MOV10L1: variants seen among roughly 807,000 people sequenced by gnomAD.
MOV10L1 encodes RNA helicase Mov10l1.
Under a neutral mutation model 143.8 loss-of-function variants are expected in MOV10L1, and 110 were observed. The observed-to-expected ratio is 0.76, with a 90% confidence interval of 0.66 to 0.90. The LOEUF (loss-of-function observed/expected upper bound fraction) is 0.90. Ranked by LOEUF, MOV10L1 falls within the 40% of genes least tolerant of loss-of-function variation. The probability of loss-of-function intolerance (pLI) is 0.00; values close to 1 mark genes in which losing one functional copy is unlikely to be tolerated. For missense variants in MOV10L1, 1,406 were observed against 1,526.8 expected, an observed-to-expected ratio of 0.92 and a Z score of 1.32; for synonymous variants, 593 against 581.1, an observed-to-expected ratio of 1.02 and a Z score of -0.29.
At chr22:50,157,966 T>C in intron 22 of MOV10L1, 91 bp from the exon 23 acceptor site, 1 of 1,428,806 alleles carries the variant, frequency 7.0e-7, no homozygotes, top group Non-Finnish European at 9.6e-7. Context: ...ATATTCAGTG[T>C]GTATTCCCAG....
At chr22:50,149,423 G>T (rs770969967) in intron 19 of MOV10L1, 192 bp from the exon 20 acceptor site, 12 of 592,858 alleles carry the variant, frequency 2.0e-5, no homozygotes, top group Non-Finnish European at 3.3e-5. Flanking sequence ...TGCTGATGTG[G>T]CTTAGCATCT....
At chr22:50,124,135 T>C (rs773722960) in intron 10 of MOV10L1, among the ~76,000 whole-genome samples, 49 of 152,168 alleles carry the variant, frequency 3.2e-4, no homozygotes, top group Non-Finnish European at 6.3e-4. Context: ...TTTGTTCATC[T>C]CTCCTCTAAT....
chr22:50,122,117 C>T (rs1366278658), intron 10 of MOV10L1, among the ~76,000 whole-genome samples: 1 of 152,094 alleles, frequency 6.6e-6, no homozygotes, highest in Non-Finnish European at 1.5e-5. Context: ...ATGGGAATTG[C>T]ATTGAATCTG....
At chr22:50,104,392 G>T (rs1168353421) in intron 3 of MOV10L1, among the ~76,000 whole-genome samples, 4 of 152,210 alleles carry the variant, frequency 2.6e-5, no homozygotes, top group Non-Finnish European at 5.9e-5. Flanking sequence ...TGGCACAGGG[G>T]TCAGGGGAGT....
chr22:50,157,325 A>G (rs752001584), intron 22 of MOV10L1, among the ~76,000 whole-genome samples: 36 of 152,248 alleles, frequency 2.4e-4, no homozygotes, highest in Admixed American at 3.9e-4. Flanking sequence ...TGATGCCCAG[A>G]CATTTTCCAT....
At position 50,108,734 on chromosome 22, in the gene MOV10L1, G is replaced by C. The variant is rs2061941629; in HGVS notation, c.633G>C (p.Leu211=). ...SIFFTLDSLK[L]PDGYTPRRGD... ...TCTTTACCTTGGACTCCTTGAAACT[G>C]CCAGATGGGTACACACCCCGGAGAG... The change falls in exon 5 of 27, where the codon CTG becomes CTC. Residue 211 remains leucine (L), a synonymous_variant. Transcript: ENST00000262794. 4 of 1,614,206 alleles carry C rather than the reference G, an allele frequency of 2.5e-6. No individual in the cohort carries two copies. In the East Asian group the frequency reaches 8.9e-5, roughly 36 times the overall value.
At chr22:50,126,522 T>A (rs1474225941) in intron 12 of MOV10L1, among the ~76,000 whole-genome samples, 1 of 152,226 alleles carries the variant, frequency 6.6e-6, no homozygotes, top group East Asian at 1.9e-4. Context: ...CGTTGAGTTG[T>A]ATTTGGGCAT....
rs776398423 is a variant in MOV10L1 at position 50,126,231 on chromosome 22, T to A, written c.1777T>A (p.Tyr593Asn). 3.1e-6 allele frequency: 5 copies of A among 1,612,090 alleles called. No individual in the cohort carries two copies. The highest frequency in any genetic ancestry group is 4.2e-6 in the Non-Finnish European group (5 of 1,178,360). ...TAAACTGATTTTAAAAACTCAAGAG[T>A]ACAATGGACATGCCATCGAATACAT... ...GDKLILKTQE[Y>N]NGHAIEYISY... Residue 593 changes from tyrosine (Y) to asparagine (N), a missense_variant, in exon 12 of 27, where the codon TAC (tyrosine) becomes AAC (asparagine). Coordinates refer to ENST00000262794, the MANE Select transcript of MOV10L1 (RefSeq NM_018995.3).
chr22:50,112,457 C>T (rs754672064), intron 5 of MOV10L1, among the ~76,000 whole-genome samples: 4 of 152,202 alleles, frequency 2.6e-5, no homozygotes, highest in African/African-American at 7.2e-5. Flanking sequence ...GGGCCTGAAG[C>T]GTGGCCTGGG....
intron 4 of MOV10L1, 139 bp downstream of exon 4, chr22:50,108,387 T>A: frequency 1.2e-6 from 1 of 858,422 alleles, no homozygotes; most frequent in East Asian, 2.6e-5. Flanking sequence ...AGGAGTGTGT[T>A]TTCCTATTGA....
intron 19 of MOV10L1, among the ~76,000 whole-genome samples, chr22:50,147,957 C>T (rs1285108979): frequency 6.6e-6 from 1 of 152,226 alleles, no homozygotes; most frequent in Non-Finnish European, 1.5e-5. Context: ...GGATGCAGGA[C>T]ATGTTGGGCC....
At position 50,108,856 on chromosome 22, in the gene MOV10L1, C is replaced by T. The variant is rs754858195; in HGVS notation, c.743+12C>T. ...CTAGTGAAGAGGCGGTAAGAAAATG[C>T]TTTTCTGGCCAGGTGCGGTGGCTAA... is the stretch of plus-strand genomic sequence containing the variant. On this transcript the variant is annotated intron_variant, in intron 5 of 26. Transcript: ENST00000262794. 3 of 1,613,142 alleles carry T rather than the reference C, an allele frequency of 1.9e-6. No individual in the cohort carries two copies. Among genetic ancestry groups the T allele is most frequent in the Admixed American group, 1.7e-5 (1 of 59,990 alleles).
chr22:50,143,248 G>A (rs767444678), intron 17 of MOV10L1, 27 bp downstream of exon 17: 2 of 1,609,826 alleles, frequency 1.2e-6, no homozygotes, highest in South Asian at 1.1e-5. Flanking sequence ...CGCGGGTGCT[G>A]TGGCTCTGTG....
intron 11 of MOV10L1, 100 bp downstream of exon 11, chr22:50,125,669 C>T (rs1053787050): frequency 2.5e-6 from 3 of 1,222,746 alleles, no homozygotes; most frequent in African/African-American, 3.0e-5. Context: ...CACATTATCG[C>T]ATTTTCTTTC....
intron 15 of MOV10L1, among the ~76,000 whole-genome samples, chr22:50,135,986 A>G (rs2062813952): frequency 6.6e-6 from 1 of 152,226 alleles, no homozygotes; most frequent in Non-Finnish European, 1.5e-5. Flanking sequence ...AATGTATAAC[A>G]TGAATTTTTA....
Position 50,113,795 on chromosome 22 carries a change from T to G in MOV10L1, c.884+7T>G. ...CCATGGTGATCTGGATAGAGTGAGTTTGCCACTGAAACATTTTCTATAAAG... is the reference window on the plus strand; with the variant it reads ...CCATGGTGATCTGGATAGAGTGAGTGTGCCACTGAAACATTTTCTATAAAG... On this transcript the variant is annotated splice_region_variant and intron_variant, in intron 6 of 26. Coordinates refer to ENST00000262794, the MANE Select transcript of MOV10L1 (RefSeq NM_018995.3). The G allele has an allele frequency of 6.3e-7, 1 of 1,579,914 alleles. No individual in the cohort carries two copies. The highest frequency in any genetic ancestry group is 1.2e-5 in the South Asian group (1 of 86,354).
At chr22:50,111,624 C>T (rs1215855646) in intron 5 of MOV10L1, among the ~76,000 whole-genome samples, 1 of 151,608 alleles carries the variant, frequency 6.6e-6, no homozygotes, top group Admixed American at 6.6e-5. Context: ...CCACCTCAGC[C>T]TCCTGAGTAG....
intron 5 of MOV10L1, chr22:50,109,711 G>T: frequency 4.9e-6 from 1 of 202,468 alleles, no homozygotes; most frequent in Non-Finnish European, 1.0e-5. Flanking sequence ...GCATGGTGGT[G>T]TGCACCTCCG....
chr22:50,105,568 C>T lies in MOV10L1; in HGVS notation c.443-2568C>T, dbSNP rs150094754. Among the ~76,000 whole-genome samples the T allele has an allele frequency of 8.9e-4, 135 of 152,302 alleles. 1 individual carries two copies. The East Asian group carries it at 0.024, about 27-fold the overall frequency. On this transcript the variant is annotated intron_variant, in intron 3 of 26. Coordinates refer to ENST00000262794, the MANE Select transcript of MOV10L1 (RefSeq NM_018995.3). Reference sequence around the variant, plus strand: ...TCATCAGCTTTATTTTCAATAACTACAATTTGCAAAAGTTATCAAAAGCTG... The same window carrying T: ...TCATCAGCTTTATTTTCAATAACTATAATTTGCAAAAGTTATCAAAAGCTG...
Sources: gnomAD v4.1 joint callset for allele counts (sites outside exome capture counted in the v4.1 genomes callset) on GRCh38, gnomAD v4.1.1 for gene constraint, MANE v1.5 for transcripts, NCBI Gene and HGNC (gene_info 2026-07-23, HGNC 2026-07-21) for gene names.